NCOA2: variants seen among roughly 807,000 people sequenced by gnomAD.
NCOA2 encodes the protein nuclear receptor coactivator 2.
Under a neutral mutation model 145.1 loss-of-function variants are expected in NCOA2, and 21 were observed. The observed-to-expected ratio is 0.14, with a 90% confidence interval of 0.10 to 0.21. The LOEUF (loss-of-function observed/expected upper bound fraction) is 0.21, where lower values mean the gene tolerates loss of function less well. Ranked by LOEUF, NCOA2 falls within the 10% of genes least tolerant of loss-of-function variation. The probability of loss-of-function intolerance (pLI) is 1.00; values close to 1 mark genes in which losing one functional copy is unlikely to be tolerated. For synonymous variants in NCOA2, 619 were observed against 637.5 expected, an observed-to-expected ratio of 0.97 and a Z score of 0.44; for missense variants, 1,472 against 1,837.6, an observed-to-expected ratio of 0.80 and a Z score of 3.64.
the NCOA2 span, among the ~76,000 whole-genome samples, chr8:70,411,645 G>A: frequency 1.3e-5 from 2 of 152,176 alleles, no homozygotes; most frequent in Non-Finnish European, 2.9e-5. Context: ...ATACTATACT[G>A]AAATGAAAAT....
intron 2 of NCOA2, among the ~76,000 whole-genome samples, chr8:70,282,686 CAAA>C (rs550448805): frequency 3.1e-5 from 3 of 97,220 alleles, no homozygotes; most frequent in Non-Finnish European, 6.8e-5. Flanking sequence ...AAAACTGCCT[CAAA>C]AAAAAAAAAA....
chr8:70,172,276 T>A (rs1310771739), intron 5 of NCOA2, among the ~76,000 whole-genome samples: 1 of 152,240 alleles, frequency 6.6e-6, no homozygotes, highest in Non-Finnish European at 1.5e-5. Context: ...ATTACTATTT[T>A]TAACATGAAT....
chr8:70,129,116 T>C (rs1808786788), intron 16 of NCOA2, 136 bp from the exon 17 acceptor site: 2 of 863,018 alleles, frequency 2.3e-6, no homozygotes, highest in East Asian at 5.3e-5. Flanking sequence ...TACACAAAGG[T>C]ACCTTTAGAG....
At chr8:70,369,528 T>A (rs1811022142) in intron 1 of NCOA2, among the ~76,000 whole-genome samples, 1 of 152,212 alleles carries the variant, frequency 6.6e-6, no homozygotes, top group Non-Finnish European at 1.5e-5. Context: ...TTATCCACAA[T>A]GAGTTTCACT....
In NCOA2 at chr8:70,145,099, C is replaced by T. The variant is rs1437910006; in HGVS notation, c.2606-251G>A. Among the ~76,000 whole-genome samples the T allele has an allele frequency of 3.3e-5, 5 of 152,206 alleles. No individual in the cohort carries two copies. In the East Asian group the frequency reaches 9.6e-4, roughly 29 times the overall value. ...AAAACAAACACATGTATATTATTTA[C>T]CATATACCTTCCTCACCAATAGTAA... On this transcript the variant is annotated intron_variant, in intron 12 of 22. Transcript: ENST00000452400.
At chr8:70,120,996 C>CTA (rs1383983142) in intron 22 of NCOA2, among the ~76,000 whole-genome samples, 1 of 152,048 alleles carries the variant, frequency 6.6e-6, no homozygotes, top group Non-Finnish European at 1.5e-5. Context: ...TCTTCCTTTG[C>CTA]TATCATAGTA....
At chr8:70,442,116 G>GAAA in the NCOA2 span, among the ~76,000 whole-genome samples, 1 of 82,350 alleles carries the variant, frequency 1.2e-5, no homozygotes, top group African/African-American at 3.4e-5. Flanking sequence ...GAGAAAGAAA[G>GAAA]AAGAAAGAAA....
At chr8:70,162,086 C>T (rs561549370) in intron 9 of NCOA2, among the ~76,000 whole-genome samples, 39 of 152,242 alleles carry the variant, frequency 2.6e-4, no homozygotes, top group African/African-American at 9.1e-4. Context: ...GAGTGAGAGA[C>T]GTGATGTTCA....
intron 16 of NCOA2, among the ~76,000 whole-genome samples, chr8:70,131,223 C>T (rs887833722): frequency 6.6e-6 from 1 of 151,864 alleles, no homozygotes; most frequent in Admixed American, 6.6e-5. Flanking sequence ...CATTATGTTG[C>T]CCAGGCTAGA....
the NCOA2 span, among the ~76,000 whole-genome samples, chr8:70,448,308 T>C: frequency 1.6e-4 from 25 of 152,338 alleles, no homozygotes; most frequent in Non-Finnish European, 3.7e-4. Flanking sequence ...TTTATAAGTA[T>C]GCTGGAAGGT....
chr8:70,238,547 C>T (rs747985212), intron 2 of NCOA2, among the ~76,000 whole-genome samples: 61 of 152,112 alleles, frequency 4.0e-4, no homozygotes, highest in Non-Finnish European at 8.2e-4. Flanking sequence ...CTAAGAAATG[C>T]CATTAAATAA....
Position 70,112,055 on chromosome 8 carries a change from G to A in NCOA2, c.*1577C>T, listed in dbSNP as rs948724878. 4.8e-6 allele frequency: 1 copy of A among 210,002 alleles called. No homozygotes were observed. The highest frequency in any genetic ancestry group is 2.3e-5 in the African/African-American group (1 of 44,018). The allele number at this position is 210,002 out of a possible 1,614,324, so 13.0% of individuals were successfully genotyped here. A position where few individuals can be genotyped will look rare whatever the true frequency, so the allele number is the denominator to read the frequency against. Reference sequence around the variant, plus strand: ...AGAAAAACAACCATAAAAGTGGCCTGCTTAGTAACATGTAGTCTTTCTAAG... The same window carrying A: ...AGAAAAACAACCATAAAAGTGGCCTACTTAGTAACATGTAGTCTTTCTAAG... On this transcript the variant is annotated 3_prime_UTR_variant, in exon 23 of 23. Coordinates refer to ENST00000452400, the MANE Select transcript of NCOA2 (RefSeq NM_006540.4).
At chr8:70,273,436 T>C in intron 2 of NCOA2, 1 of 666,416 alleles carries the variant, frequency 1.5e-6, no homozygotes, top group Non-Finnish European at 2.5e-6. Flanking sequence ...TGCCCATTGG[T>C]GGAACTGCTC....
intron 16 of NCOA2, 110 bp from the exon 17 acceptor site, chr8:70,129,090 T>C (rs1808784102): frequency 9.5e-7 from 1 of 1,058,156 alleles, no homozygotes; most frequent in Admixed American, 2.8e-5. Flanking sequence ...TTTATACTTT[T>C]TAATATTATA....
intron 1 of NCOA2, among the ~76,000 whole-genome samples, chr8:70,301,675 A>AAAAAAAAAAC (rs1827511530): frequency 6.8e-6 from 1 of 147,582 alleles, no homozygotes; most frequent in Non-Finnish European, 1.5e-5. Context: ...AAAAAAAAAA[A>AAAAAAAAAAC]AAAAAGAAAG....
chr8:70,191,316 G>A (rs1430467569), intron 4 of NCOA2, among the ~76,000 whole-genome samples: 6 of 152,218 alleles, frequency 3.9e-5, no homozygotes, highest in Admixed American at 3.9e-4. Flanking sequence ...AGCCACTGAA[G>A]TAGTAAACAA....
chr8:70,217,486 TC>T (rs1438344981), intron 2 of NCOA2, among the ~76,000 whole-genome samples: 60 of 152,214 alleles, frequency 3.9e-4, no homozygotes, highest in African/African-American at 1.4e-3. Context: ...CTCCAAACTT[TC>T]CTTCCCTCAG....
At chr8:70,139,294 T>TC (rs1425192783) in intron 14 of NCOA2, among the ~76,000 whole-genome samples, 22 of 152,248 alleles carry the variant, frequency 1.4e-4, no homozygotes, top group Non-Finnish European at 2.9e-5. Flanking sequence ...ATAAAGCTTA[T>TC]AGAGCCATAT....
At chr8:70,190,589 T>C (rs1816569373) in intron 4 of NCOA2, among the ~76,000 whole-genome samples, 1 of 152,244 alleles carries the variant, frequency 6.6e-6, no homozygotes, top group Non-Finnish European at 1.5e-5. Flanking sequence ...TGATGGCTCA[T>C]GCCTGTAATT....
Sources: gnomAD v4.1 joint callset for allele counts (sites outside exome capture counted in the v4.1 genomes callset) on GRCh38, gnomAD v4.1.1 for gene constraint, MANE v1.5 for transcripts, NCBI Gene and HGNC (gene_info 2026-07-23, HGNC 2026-07-21) for gene names.